The following ATP2C2 variants were observed in gnomAD, a reference collection of about 807,000 sequenced individuals.
ATP2C2 encodes calcium-transporting ATPase type 2C member 2.
Under a neutral mutation model 110.8 loss-of-function variants are expected in ATP2C2, and 171 were observed. The observed-to-expected ratio is 1.54, with a 90% CI of 1.36 to 1.75. ATP2C2 has a LOEUF of 1.75. Among genes scored for constraint, ATP2C2 ranks in the 40% most tolerant of loss-of-function variants. The pLI is 0.00. For missense variants in ATP2C2, 1,963 were observed against 1,235.0 expected, an observed-to-expected ratio of 1.59 and a Z score of -8.84; for synonymous variants, 804 against 508.4, an observed-to-expected ratio of 1.58 and a Z score of -7.82.
chr16:84,450,511 C>T (rs898299987), intron 17 of ATP2C2, among the ~76,000 whole-genome samples: 1 of 152,088 alleles, frequency 6.6e-6, no homozygotes, highest in African/African-American at 2.4e-5. Context: ...GGATAGAGCG[C>T]TACTAGGTGG....
chr16:84,408,075 G>A (rs184089570), intron 3 of ATP2C2, among the ~76,000 whole-genome samples: 87 of 152,312 alleles, frequency 5.7e-4, no homozygotes, highest in Admixed American at 2.0e-3. Flanking sequence ...ATCCTTGGCC[G>A]TCCTGAGCCA....
chr16:84,408,305 C>A (rs1234687811), intron 3 of ATP2C2, 100 bp from the exon 4 acceptor site: 9 of 1,165,028 alleles, frequency 7.7e-6, no homozygotes, highest in African/African-American at 7.6e-5. Context: ...AAGCCTGGCC[C>A]TGAACTGAGA....
chr16:84,455,058 C>G, intron 21 of ATP2C2, 74 bp downstream of exon 21: 11 of 1,254,932 alleles, frequency 8.8e-6, no homozygotes, highest in Non-Finnish European at 1.2e-5. Flanking sequence ...GAACCTGCTA[C>G]TGTGGAGATA....
chr16:84,462,475 G>A (rs907737013), intron 26 of ATP2C2: 7 of 210,310 alleles, frequency 3.3e-5, no homozygotes, highest in African/African-American at 1.4e-4. Flanking sequence ...ACCCCAGCTG[G>A]GGAGCCTGGA....
chr16:84,401,014 G>A (rs965747500), intron 2 of ATP2C2, among the ~76,000 whole-genome samples: 12 of 152,176 alleles, frequency 7.9e-5, no homozygotes, highest in African/African-American at 2.9e-4. Flanking sequence ...TCCATTCTGT[G>A]GGTTGTCTCT....
chr16:84,447,504 A>G (rs527356754), intron 16 of ATP2C2, among the ~76,000 whole-genome samples: 1 of 151,992 alleles, frequency 6.6e-6, no homozygotes, highest in East Asian at 1.9e-4. Flanking sequence ...TATGCAAACG[A>G]CAACATCTGG....
At chr16:84,405,992 A>C (rs1260628460) in intron 3 of ATP2C2, among the ~76,000 whole-genome samples, 1 of 152,216 alleles carries the variant, frequency 6.6e-6, no homozygotes, top group African/African-American at 2.4e-5. Context: ...AGTGTGTCCC[A>C]ATACAGTGGA....
At chr16:84,398,678 G>C in intron 2 of ATP2C2, 69 bp downstream of exon 2, 1 of 1,229,234 alleles carries the variant, frequency 8.1e-7, no homozygotes, top group South Asian at 1.4e-5. Context: ...GCAACACAAA[G>C]CCCTGAACAG....
Position 84,368,565 on chromosome 16 carries a change from C to A in ATP2C2, c.-51C>A. On this transcript the variant is annotated 5_prime_UTR_variant, in exon 1 of 27. Coordinates refer to ENST00000262429, the MANE Select transcript of ATP2C2 (RefSeq NM_014861.4). ...GAGGCTTGGGCGCGCGCAGCCATCC[C>A]GGGCCTCGCCGGGGACCTAGGGACG... 4 of 1,417,604 alleles carry A rather than the reference C, an allele frequency of 2.8e-6. No homozygotes were observed. The highest frequency in any genetic ancestry group is 2.5e-5 in the South Asian group (2 of 81,088). 87.8% of individuals were successfully genotyped at this position (1,417,604 alleles called of 1,614,324 possible).
intron 3 of ATP2C2, among the ~76,000 whole-genome samples, chr16:84,406,029 C>G (rs564712700): frequency 6.6e-6 from 1 of 152,284 alleles, no homozygotes; most frequent in East Asian, 1.9e-4. Context: ...ACAAAAAGTT[C>G]CTTGTTTTTC....
intron 11 of ATP2C2, among the ~76,000 whole-genome samples, chr16:84,437,631 T>C (rs1908863078): frequency 6.6e-6 from 1 of 152,198 alleles, no homozygotes; most frequent in Non-Finnish European, 1.5e-5. Context: ...TTCTCCTGCC[T>C]CAGCCTCCTG....
chr16:84,410,522 C>A (rs745844970), intron 4 of ATP2C2, 46 bp from the exon 5 acceptor site: 3 of 1,602,716 alleles, frequency 1.9e-6, no homozygotes, highest in Non-Finnish European at 2.6e-6. Context: ...TGTCCCCCCT[C>A]CCACTGAGCC....
In ATP2C2 at chr16:84,461,682, C is replaced by G. The variant is rs368408249; in HGVS notation, c.2482-32C>G. The G allele has an allele frequency of 3.1e-6, 5 of 1,592,828 alleles. No homozygotes were observed. In the African/African-American group the frequency reaches 4.0e-5, roughly 13 times the overall value. ...TCAGGATGGAGGTTGTCTCTTCCCG[C>G]CTAACCTCTCACCTTTGTGCTCACC... On this transcript the variant is annotated intron_variant, in intron 24 of 26. Transcript: ENST00000262429.
intron 6 of ATP2C2, among the ~76,000 whole-genome samples, chr16:84,412,424 G>C (rs112201080): frequency 1.9e-4 from 27 of 143,522 alleles, no homozygotes; most frequent in East Asian, 1.5e-3. Context: ...CTGTGTATGT[G>C]TGTGCGTGTG....
chr16:84,439,324 T>C (rs558000536), intron 12 of ATP2C2, 34 bp downstream of exon 12: 3 of 1,613,448 alleles, frequency 1.9e-6, no homozygotes, highest in African/African-American at 2.7e-5. Flanking sequence ...TCCTTACACG[T>C]GGAATTGAAT....
At chr16:84,437,237 T>C (rs1242168242) in intron 11 of ATP2C2, among the ~76,000 whole-genome samples, 1 of 151,964 alleles carries the variant, frequency 6.6e-6, no homozygotes, top group Non-Finnish European at 1.5e-5. Context: ...ACATAGGCTG[T>C]AGCACAGTGA....
intron 20 of ATP2C2, among the ~76,000 whole-genome samples, chr16:84,454,312 G>A (rs1323345856): frequency 6.6e-6 from 1 of 152,208 alleles, no homozygotes; most frequent in African/African-American, 2.4e-5. Context: ...CCAAAAAAAG[G>A]TAGAAAATGT....
At chr16:84,384,369 G>T (rs1904294406) in intron 1 of ATP2C2, among the ~76,000 whole-genome samples, 1 of 152,154 alleles carries the variant, frequency 6.6e-6, no homozygotes, top group Admixed American at 6.6e-5. Context: ...ATTTGAGTTT[G>T]TCTAATGTTT....
intron 6 of ATP2C2, among the ~76,000 whole-genome samples, chr16:84,414,007 A>T (rs1012292213): frequency 6.6e-6 from 1 of 152,200 alleles, no homozygotes; most frequent in Admixed American, 6.5e-5. Flanking sequence ...AAGCCAAAAA[A>T]TACTGGAGGC....
Sources: allele counts gnomAD v4.1 joint callset (sites outside exome capture counted in the v4.1 genomes callset), GRCh38; gene constraint gnomAD v4.1.1; transcripts MANE v1.5; gene names NCBI Gene and HGNC (gene_info 2026-07-23, HGNC 2026-07-21).